Variants in GULP1 observed in about 807,000 individuals in gnomAD.
GULP1 encodes the protein GULP PTB domain containing engulfment adaptor 1.
In GULP1, 19 loss-of-function variants were observed where a neutral mutation model predicts 40.9. The ratio of observed to expected loss-of-function variants is 0.46; its 90% CI spans 0.32 to 0.68. The LOEUF (loss-of-function observed/expected upper bound fraction) is 0.68. Among genes scored for constraint, GULP1 ranks in the 30% least tolerant of loss-of-function variants. GULP1 has a pLI of 0.03. For missense variants in GULP1, 312 were observed against 362.2 expected (o/e 0.86, Z 1.12); for synonymous variants, 119 against 117.6 (o/e 1.01, Z -0.08).
At chr2:188,586,941 T>G (rs1233407835) in intron 10 of GULP1, among the ~76,000 whole-genome samples, 1 of 152,018 alleles carries the variant, frequency 6.6e-6, no homozygotes, top group Non-Finnish European at 1.5e-5. Flanking sequence ...TTGTGCAGGT[T>G]AGTTACCTAT....
chr2:188,468,925 A>T (rs2060355916), intron 2 of GULP1, among the ~76,000 whole-genome samples: 2 of 152,094 alleles, frequency 1.3e-5, no homozygotes, highest in Admixed American at 6.6e-5. Flanking sequence ...TGTTTTAGGG[A>T]ATAGTAAGCA....
At chr2:188,488,387 A>G (rs915321257) in intron 4 of GULP1, among the ~76,000 whole-genome samples, 6 of 152,020 alleles carry the variant, frequency 3.9e-5, no homozygotes, top group African/African-American at 1.4e-4. Context: ...AATAACTACA[A>G]ATATCAAACT....
At chr2:188,553,896 A>G (rs1576033880) in intron 7 of GULP1, among the ~76,000 whole-genome samples, 1 of 152,106 alleles carries the variant, frequency 6.6e-6, no homozygotes, top group African/African-American at 2.4e-5. Flanking sequence ...ATGTTTCCAG[A>G]AACTTACCCA....
chr2:188,394,620 A>G (rs1303948579), intron 2 of GULP1, among the ~76,000 whole-genome samples: 1 of 152,142 alleles, frequency 6.6e-6, no homozygotes, highest in Non-Finnish European at 1.5e-5. Flanking sequence ...TCATATTGCC[A>G]GAATTATTTT....
At chr2:188,465,329 G>A (rs1440404882) in intron 2 of GULP1, among the ~76,000 whole-genome samples, 1 of 151,930 alleles carries the variant, frequency 6.6e-6, no homozygotes, top group Non-Finnish European at 1.5e-5. Context: ...CTGAACAGGG[G>A]CTGTAAGACT....
intron 1 of GULP1, among the ~76,000 whole-genome samples, chr2:188,309,457 C>A (rs1156991677): frequency 6.6e-6 from 1 of 152,054 alleles, no homozygotes; most frequent in Admixed American, 6.6e-5. Context: ...TAGAGCGAGA[C>A]CCTCTCTCAA....
chr2:188,397,465 T>C (rs2051451158), intron 2 of GULP1, among the ~76,000 whole-genome samples: 1 of 152,230 alleles, frequency 6.6e-6, no homozygotes, highest in Non-Finnish European at 1.5e-5. Flanking sequence ...TCATTATTTA[T>C]AATTACAGAT....
chr2:188,510,810 G>GAAA (rs761888904), intron 4 of GULP1, among the ~76,000 whole-genome samples: 2 of 138,634 alleles, frequency 1.4e-5, no homozygotes, highest in African/African-American at 5.2e-5. Flanking sequence ...CCAGTTTGAG[G>GAAA]AAAAAAAAAA....
chr2:188,380,619 A>G (rs60577684), intron 1 of GULP1, among the ~76,000 whole-genome samples: 7,178 of 152,272 alleles, frequency 0.047, 321 homozygotes, highest in East Asian at 0.2. Context: ...AGGAGCTTAT[A>G]GAGGATAAGA....
intron 1 of GULP1, among the ~76,000 whole-genome samples, chr2:188,324,158 A>G (rs1421080392): frequency 6.6e-6 from 1 of 152,072 alleles, no homozygotes; most frequent in Non-Finnish European, 1.5e-5. Context: ...AAGACATCCT[A>G]ATGTCTAAAG....
At chr2:188,316,786 G>A (rs2039147789) in intron 1 of GULP1, among the ~76,000 whole-genome samples, 1 of 152,052 alleles carries the variant, frequency 6.6e-6, no homozygotes, top group Admixed American at 6.6e-5. Context: ...ATCTACAAGA[G>A]TAGAATCCCC....
chr2:188,541,720 T>C, intron 7 of GULP1: 1 of 279,480 alleles, frequency 3.6e-6, no homozygotes. Flanking sequence ...ATGGATTTTA[T>C]GAAAATAAAT....
intron 4 of GULP1, among the ~76,000 whole-genome samples, chr2:188,509,043 T>A (rs2064226456): frequency 6.6e-6 from 1 of 152,062 alleles, no homozygotes; most frequent in Non-Finnish European, 1.5e-5. Flanking sequence ...ACTCTGAAAC[T>A]TATTTGCATA....
rs1911601 is a variant in GULP1 at position 188,595,377 on chromosome 2, T to G, written c.*1366T>G. 5,580 of 152,176 alleles carry G rather than the reference T, an allele frequency of 0.037. 184 individuals are homozygous for G. Among genetic ancestry groups the G allele is most frequent in the East Asian group, 0.094 (488 of 5,168 alleles). 9.4% of individuals were successfully genotyped at this position (152,176 alleles called of 1,614,324 possible). On this transcript the variant is annotated 3_prime_UTR_variant, in exon 12 of 12. Coordinates refer to ENST00000409830, the MANE Select transcript of GULP1 (RefSeq NM_016315.4). Reference sequence around the variant, plus strand: ...TTTTCTTCAAGTGTTAAAGGTACATTTTCACTAGGAAAAGAAATCAAATAT... The same window carrying G: ...TTTTCTTCAAGTGTTAAAGGTACATGTTCACTAGGAAAAGAAATCAAATAT...
intron 2 of GULP1, among the ~76,000 whole-genome samples, chr2:188,425,894 A>G (rs1265817773): frequency 6.6e-6 from 1 of 152,066 alleles, no homozygotes; most frequent in Non-Finnish European, 1.5e-5. Flanking sequence ...TCGTATTTTC[A>G]TTTTATTTTC....
intron 1 of GULP1, among the ~76,000 whole-genome samples, chr2:188,346,548 A>G (rs946703418): frequency 6.6e-5 from 10 of 150,652 alleles, no homozygotes; most frequent in Non-Finnish European, 1.2e-4. Flanking sequence ...GCTGGAGTGC[A>G]GTGGTGCGAT....
At chr2:188,349,412 A>G (rs2044144354) in intron 1 of GULP1, among the ~76,000 whole-genome samples, 1 of 152,130 alleles carries the variant, frequency 6.6e-6, no homozygotes, top group Non-Finnish European at 1.5e-5. Context: ...ATACTTGTTA[A>G]TGTGTTGTAA....
chr2:188,515,414 A>G (rs1014507454), intron 4 of GULP1, among the ~76,000 whole-genome samples: 1 of 152,244 alleles, frequency 6.6e-6, no homozygotes, highest in South Asian at 2.1e-4. Context: ...CCGAATCCAC[A>G]TGTTCTCTTC....
chr2:188,569,515 C>T (rs1034199105), intron 8 of GULP1, 160 bp downstream of exon 8: 16 of 623,992 alleles, frequency 2.6e-5, no homozygotes, highest in African/African-American at 2.1e-4. Flanking sequence ...TTCCTGATCC[C>T]CTGCACAGTT....
Sources: gnomAD v4.1 joint callset for allele counts (sites outside exome capture counted in the v4.1 genomes callset) on GRCh38, gnomAD v4.1.1 for gene constraint, MANE v1.5 for transcripts, NCBI Gene and HGNC (gene_info 2026-07-23, HGNC 2026-07-21) for gene names.